Variants in SLCO4A1 observed in about 807,000 individuals in gnomAD.
The protein encoded by SLCO4A1 is solute carrier organic anion transporter family member 4A1.
SLCO4A1 carries 51 observed loss-of-function variants against 64.6 expected under a neutral mutation model. The observed-to-expected ratio is 0.79, with a 90% CI of 0.63 to 1.00. The LOEUF is 1.00. SLCO4A1 is among the 50% of genes least tolerant of loss of function. The pLI is 0.00. For missense variants in SLCO4A1, 919 were observed against 980.5 expected (o/e 0.94, Z 0.84); for synonymous variants, 471 against 444.9 (o/e 1.06, Z -0.74).
Position 62,664,210 on chromosome 20 carries a change from C to T in SLCO4A1, c.1122-724C>T, listed in dbSNP as rs548465304. Among the ~76,000 whole-genome samples, 595 of 152,202 alleles carry T rather than the reference C, an allele frequency of 3.9e-3. 2 individuals are homozygous for T. Among genetic ancestry groups the T allele is most frequent in the African/African-American group, 0.013 (555 of 41,524 alleles). On this transcript the variant is annotated intron_variant, in intron 5 of 11. Transcript: ENST00000217159. ...GGCTCAGAGTTCCCACAGTTCCCCCCAGGGCTCCAGGCCCATGCACCAAGG... is the reference window on the plus strand; with the variant it reads ...GGCTCAGAGTTCCCACAGTTCCCCCTAGGGCTCCAGGCCCATGCACCAAGG...
chr20:62,677,474 G>A (rs2147113511), intron 2 of SLCO4A1, among the ~76,000 whole-genome samples: 1 of 152,264 alleles, frequency 6.6e-6, no homozygotes, highest in South Asian at 2.1e-4. Flanking sequence ...TGGGCCCCAT[G>A]TTCAGATGTA....
rs1452756581 is a variant in SLCO4A1 at position 62,685,212 on chromosome 20, G to A, written n.212-229G>A. ...GGCCTTGGGTGCAGTGAAGCAGGCG[G>A]GCAGGGGAGGGTGGCAGCGGGGTGT... On this transcript the variant is annotated intron_variant and non_coding_transcript_variant, in intron 2 of 2. Coordinates refer to the SLCO4A1 transcript ENST00000466818. This position sits in a 1 kb window ranked among gnomAD's most constrained non-coding sequence, Gnocchi z 4.6. 6.7e-6 allele frequency among the ~76,000 whole-genome samples: 1 copy of A among 149,484 alleles called. No homozygotes were observed. The highest frequency in any genetic ancestry group is 1.5e-5 in the Non-Finnish European group (1 of 67,160).
At chr20:62,688,519 T>C (rs989359825), downstream of SLCO4A1, among the ~76,000 whole-genome samples, 11 of 151,972 alleles carry the variant, frequency 7.2e-5, no homozygotes, top group African/African-American at 2.2e-4. Context: ...TTTCTCGGGG[T>C]TTGGGGCTCA....
chr20:62,676,260 A>G (rs1002156040), downstream of SLCO4A1, among the ~76,000 whole-genome samples: 1 of 152,084 alleles, frequency 6.6e-6, no homozygotes, highest in Non-Finnish European at 1.5e-5. Context: ...GTAAAAAAAA[A>G]ATACAAAACA....
At chr20:62,678,532 CTTTT>C (rs71195465) in intron 2 of SLCO4A1, among the ~76,000 whole-genome samples, 4 of 138,688 alleles carry the variant, frequency 2.9e-5, no homozygotes. Flanking sequence ...CAGCGCTATT[CTTTT>C]TTTTTTTTTT....
At chr20:62,672,995 C>T (rs1318565465), downstream of SLCO4A1, among the ~76,000 whole-genome samples, 1 of 110,702 alleles carries the variant, frequency 9.0e-6, no homozygotes, top group Admixed American at 8.8e-5. Context: ...GTTCTCAAAA[C>T]CCAATGCGTC....
chr20:62,660,345 A>AGT (rs762135537), intron 3 of SLCO4A1, 67 bp from the exon 4 acceptor site: 1 of 1,562,040 alleles, frequency 6.4e-7, no homozygotes, highest in Non-Finnish European at 8.7e-7. Context: ...AGCAGCCCCC[A>AGT]GTGTGTGTGC....
rs1448338552 is a variant in SLCO4A1, at chr20:62,656,803, G to C, written c.349G>C (p.Gly117Arg). 6.2e-7 allele frequency: 1 copy of C among 1,612,888 alleles called. No homozygotes were observed. The highest frequency in any genetic ancestry group is 2.2e-5 in the East Asian group (1 of 44,882). Residue 117 changes from glycine to arginine, a missense_variant, in exon 2 of 12, where the codon GGG becomes CGG. By Grantham distance (125) the Gly-to-Arg change is moderately radical. Transcript: ENST00000217159. ...CCTGTGTGCGGCCGCATTCCTGCAG[G>C]GGATGACTGTGAATGGCTTCATCAA... ...FFLCAAAFLQ[G>R]MTVNGFINTV...
intron 5 of SLCO4A1, among the ~76,000 whole-genome samples, chr20:62,663,933 T>A (rs1985570522): frequency 1.3e-5 from 2 of 152,214 alleles, no homozygotes; most frequent in Non-Finnish European, 2.9e-5. Context: ...TAAGCAGCGG[T>A]TGGGCGTTAG....
downstream of SLCO4A1, among the ~76,000 whole-genome samples, chr20:62,674,285 T>C (rs1369468043): frequency 6.6e-6 from 1 of 152,080 alleles, no homozygotes; most frequent in Non-Finnish European, 1.5e-5. Flanking sequence ...TGAGCATCCG[T>C]GTGGAGGTGT....
chr20:62,663,326 G>C (rs1366843291), intron 5 of SLCO4A1: 3 of 152,172 alleles, frequency 2.0e-5, no homozygotes, highest in East Asian at 3.9e-4. Flanking sequence ...ATTCAGAGTT[G>C]CGTTCATCGG....
chr20:62,658,017 G>A (rs562098563), intron 2 of SLCO4A1, among the ~76,000 whole-genome samples: 23 of 152,176 alleles, frequency 1.5e-4, no homozygotes, highest in South Asian at 6.2e-4. Flanking sequence ...TGGCCCGTCC[G>A]ACATGGCCGA....
rs1214338565 is a variant in SLCO4A1, at chr20:62,661,335, C to T, written c.1121+160C>T. 2.6e-5 allele frequency among the ~76,000 whole-genome samples: 4 copies of T among 152,156 alleles called. No homozygotes were observed. The highest frequency in any genetic ancestry group is 4.4e-5 in the Non-Finnish European group (3 of 68,016). On this transcript the variant is annotated intron_variant, in intron 5 of 11. Transcript: ENST00000217159. The surrounding 1 kb of genome is among the most constrained non-coding windows in gnomAD (Gnocchi z 5.2). Reference sequence around the variant, plus strand: ...GAGATTAAGGAGCAACAGATAGAGCCTCTGGGCCAGGGGCCGCAGACCCCG... The same window carrying T: ...GAGATTAAGGAGCAACAGATAGAGCTTCTGGGCCAGGGGCCGCAGACCCCG...
chr20:62,660,814 C>A (rs546322898), intron 4 of SLCO4A1, among the ~76,000 whole-genome samples: 1 of 152,330 alleles, frequency 6.6e-6, no homozygotes, highest in Admixed American at 6.5e-5. Context: ...GCAGGGCCTC[C>A]ATCCCCTCCT....
intron 1 of SLCO4A1, among the ~76,000 whole-genome samples, chr20:62,647,439 C>T (rs1981554888): frequency 1.3e-5 from 2 of 152,184 alleles, no homozygotes; most frequent in Admixed American, 6.5e-5. Context: ...GAACTGAGAC[C>T]CTATGGTCCT....
intron 11 of SLCO4A1, among the ~76,000 whole-genome samples, chr20:62,671,159 G>A (rs1451999689): frequency 6.6e-6 from 1 of 152,236 alleles, no homozygotes; most frequent in Admixed American, 6.5e-5. Flanking sequence ...CTTGAACCCC[G>A]GCTGTGGTGG....
At chr20:62,663,578 C>T (rs963435663) in intron 5 of SLCO4A1, 2 of 152,216 alleles carry the variant, frequency 1.3e-5, no homozygotes, top group African/African-American at 4.8e-5. Flanking sequence ...TGTGCCATGA[C>T]CTGGGGCTTC....
chr20:62,671,706 T>C, intron 11 of SLCO4A1, 44 bp from the exon 12 acceptor site: 1 of 1,586,622 alleles, frequency 6.3e-7, no homozygotes, highest in African/African-American at 1.3e-5. Context: ...CCAAAGGCTC[T>C]GGCCGAGCTC....
At position 62,672,029 on chromosome 20, in the gene SLCO4A1, G is replaced by A; in HGVS notation, c.*136G>A. 6.4e-7 allele frequency: 1 copy of A among 1,563,774 alleles called. No individual in the cohort carries two copies. Among genetic ancestry groups the A allele is most frequent in the Non-Finnish European group, 8.6e-7 (1 of 1,160,204 alleles). ...CTACTTAACCTGTGGTTTAAAGTCG[G>A]CTGTGACCTCCTGTCCCCAGAGCTG... On this transcript the variant is annotated 3_prime_UTR_variant, in exon 12 of 12. Transcript: ENST00000217159.
Sources: gnomAD v4.1 joint callset for allele counts (sites outside exome capture counted in the v4.1 genomes callset) on GRCh38, gnomAD v4.1.1 for gene constraint, Gnocchi (gnomAD v3.1) non-coding constraint, MANE v1.5 for transcripts, NCBI Gene and HGNC (gene_info 2026-07-23, HGNC 2026-07-21) for gene names.